Variants in PLA2G5 observed in about 807,000 individuals in gnomAD.
PLA2G5 encodes phospholipase A2 group V.
PLA2G5 carries 12 observed loss-of-function variants against 15.9 expected under a neutral mutation model. The observed-to-expected ratio is 0.76, with a 90% CI of 0.48 to 1.23. The LOEUF is 1.23. PLA2G5 is among the 50% of genes most tolerant of loss of function. The pLI, the probability that PLA2G5 is intolerant of heterozygous loss-of-function variation, is 0.00. For missense variants in PLA2G5, 169 were observed against 177.1 expected (o/e 0.95, Z 0.26); for synonymous variants, 71 against 71.4 (o/e 0.99, Z 0.03).
At chr1:20,049,926 T>C (rs2014099753) in intron 1 of PLA2G5, among the ~76,000 whole-genome samples, 1 of 152,198 alleles carries the variant, frequency 6.6e-6, no homozygotes, top group African/African-American at 2.4e-5. Flanking sequence ...AGTTTTTTCC[T>C]CAAGTTTTAT....
chr1:20,070,557 C>T, intron 1 of PLA2G5, 92 bp downstream of exon 1: 1 of 778,742 alleles, frequency 1.3e-6, no homozygotes, highest in Non-Finnish European at 1.6e-6. Flanking sequence ...GTGGAGAGCC[C>T]AAGAGGAGGC....
chr1:20,077,339 A>T (rs1324862170), intron 1 of PLA2G5, among the ~76,000 whole-genome samples: 1 of 152,188 alleles, frequency 6.6e-6, no homozygotes, highest in Non-Finnish European at 1.5e-5. Flanking sequence ...ATTGGGATAG[A>T]ATATCAGACT....
intron 2 of PLA2G5, among the ~76,000 whole-genome samples, chr1:20,062,477 A>G (rs1199344893): frequency 1.3e-5 from 2 of 152,156 alleles, no homozygotes; most frequent in East Asian, 3.9e-4. Flanking sequence ...GCAAGTCCCC[A>G]CTTCTGTCCT....
chr1:20,060,415 G>T (rs2014662071), intron 2 of PLA2G5, among the ~76,000 whole-genome samples: 1 of 151,228 alleles, frequency 6.6e-6, no homozygotes, highest in Non-Finnish European at 1.5e-5. Context: ...CACCACGCTA[G>T]GCTATTTTTG....
intron 1 of PLA2G5, among the ~76,000 whole-genome samples, chr1:20,071,772 T>G (rs988416632): frequency 2.6e-5 from 4 of 152,112 alleles, no homozygotes; most frequent in African/African-American, 9.7e-5. Flanking sequence ...TTTACTCAAG[T>G]GTCACCTCCC....
intron 1 of PLA2G5, among the ~76,000 whole-genome samples, chr1:20,044,959 G>A (rs2100364488): frequency 6.6e-6 from 1 of 152,160 alleles, no homozygotes; most frequent in East Asian, 1.9e-4. Flanking sequence ...AGAGACTAGG[G>A]TGGGACTGAT....
intron 1 of PLA2G5, among the ~76,000 whole-genome samples, chr1:20,038,519 G>A (rs186800191): frequency 6.6e-6 from 1 of 152,270 alleles, no homozygotes; most frequent in East Asian, 1.9e-4. Context: ...TCTAGGTAAG[G>A]TTAAATCCTT....
chr1:20,087,039 T>A (rs956892228), intron 3 of PLA2G5, among the ~76,000 whole-genome samples: 10 of 152,242 alleles, frequency 6.6e-5, no homozygotes, highest in African/African-American at 2.4e-4. Flanking sequence ...GAAGCCAGAA[T>A]GATCCATGTG....
At chr1:20,061,611 T>G (rs1423069102) in intron 2 of PLA2G5, among the ~76,000 whole-genome samples, 1 of 126,632 alleles carries the variant, frequency 7.9e-6, no homozygotes, top group African/African-American at 3.0e-5. Flanking sequence ...AAAAAAAAAA[T>G]CTAAGCACTA....
intron 3 of PLA2G5, 126 bp downstream of exon 3, chr1:20,086,353 T>G: frequency 9.1e-7 from 1 of 1,101,996 alleles, no homozygotes; most frequent in East Asian, 2.5e-5. Flanking sequence ...AAACTAAGCC[T>G]CAAAGAAATT....
intron 1 of PLA2G5, among the ~76,000 whole-genome samples, chr1:20,032,731 C>T (rs764798416): frequency 6.6e-6 from 1 of 152,170 alleles, no homozygotes; most frequent in Non-Finnish European, 1.5e-5. Flanking sequence ...TAAAACCATC[C>T]TCCTTCCTGA....
chr1:20,037,049 C>A (rs2013292019), intron 1 of PLA2G5, among the ~76,000 whole-genome samples: 2 of 152,174 alleles, frequency 1.3e-5, no homozygotes, highest in Non-Finnish European at 2.9e-5. Flanking sequence ...AATTCTTTCT[C>A]TGGCAATTCA....
chr1:20,057,161 C>A (rs1285894505), intron 1 of PLA2G5, among the ~76,000 whole-genome samples: 2 of 151,990 alleles, frequency 1.3e-5, no homozygotes, highest in African/African-American at 2.4e-5. Context: ...AAAGAATCAA[C>A]TTTTGGTGTC....
At chr1:20,034,807 C>T (rs1332071061) in intron 1 of PLA2G5, among the ~76,000 whole-genome samples, 1 of 152,122 alleles carries the variant, frequency 6.6e-6, no homozygotes, top group African/African-American at 2.4e-5. Context: ...CTGAGTGCAT[C>T]CCCTAAGAAG....
Position 20,089,908 on chromosome 1 carries a change from C to A in PLA2G5, c.292+13C>A. 3 of 1,594,136 alleles carry A rather than the reference C, an allele frequency of 1.9e-6. No homozygotes were observed. Among genetic ancestry groups the A allele is most frequent in the Non-Finnish European group, 2.6e-6 (3 of 1,164,302 alleles). ...GTGGTCACCTGCGGTAAGGCTGGGG[C>A]TTCCCGTTCGGGCCATTGGAAGAGC... On this transcript the variant is annotated intron_variant, in intron 4 of 4. Coordinates refer to ENST00000375108, the MANE Select transcript of PLA2G5 (RefSeq NM_000929.3).
intron 4 of PLA2G5, 110 bp from the exon 5 acceptor site, chr1:20,090,458 G>C: frequency 9.3e-7 from 1 of 1,069,986 alleles, no homozygotes; most frequent in Non-Finnish European, 1.4e-6. Flanking sequence ...TAGGAGCCAT[G>C]CCTCTTCCAT....
In PLA2G5 at chr1:20,089,653, A is replaced by G. The variant is rs367692638; in HGVS notation, c.186-136A>G. ...GAGCAGGAAATTACTCAGTCACACT[A>G]CCAGATCCTCCCTGCCACATCGCGT... On this transcript the variant is annotated intron_variant, in intron 3 of 4. Transcript: ENST00000375108. 3.1e-4 allele frequency: 208 copies of G among 661,746 alleles called. 2 individuals are homozygous for G. In the African/African-American group the frequency reaches 3.4e-3, roughly 11 times the overall value. 41.0% of individuals were successfully genotyped at this position (661,746 alleles called of 1,614,324 possible).
chr1:20,052,813 C>A (rs1246728031), intron 1 of PLA2G5, among the ~76,000 whole-genome samples: 1 of 152,162 alleles, frequency 6.6e-6, no homozygotes, highest in Non-Finnish European at 1.5e-5. Flanking sequence ...ATTTGCCTCC[C>A]ATTCTATTCA....
intron 1 of PLA2G5, chr1:20,076,676 C>T (rs765480622): frequency 1.3e-5 from 2 of 152,234 alleles, no homozygotes; most frequent in Non-Finnish European, 2.9e-5. Flanking sequence ...TTGCCTTGCA[C>T]TTGTAGCATA....
Sources: gnomAD v4.1 joint callset for allele counts (sites outside exome capture counted in the v4.1 genomes callset) on GRCh38, gnomAD v4.1.1 for gene constraint, MANE v1.5 for transcripts, NCBI Gene and HGNC (gene_info 2026-07-23, HGNC 2026-07-21) for gene names.